The following PSMA3 variants were observed in gnomAD, a reference collection of about 807,000 sequenced individuals.
PSMA3 encodes proteasome subunit alpha type-3.
Under a neutral mutation model 40.0 loss-of-function variants are expected in PSMA3, and 8 were observed. The observed-to-expected ratio is 0.20, with a 90% CI of 0.12 to 0.36. The LOEUF is 0.36. PSMA3 is among the 10% of genes least tolerant of loss of function. PSMA3 has a pLI of 1.00. For synonymous variants in PSMA3, 110 were observed against 100.0 expected (o/e 1.10, Z -0.59); for missense variants, 219 against 310.6 (o/e 0.70, Z 2.22).
intron 10 of PSMA3, among the ~76,000 whole-genome samples, chr14:58,271,487 A>C (rs561197155): frequency 3.3e-5 from 5 of 151,670 alleles, no homozygotes; most frequent in African/African-American, 9.7e-5. Context: ...ATGCCACCAT[A>C]CCTGGCTACT....
In PSMA3 at chr14:58,257,709, A is replaced by G. The variant is rs779427106; in HGVS notation, c.229-36A>G. On this transcript the variant is annotated intron_variant, in intron 3 of 10. Coordinates refer to ENST00000216455, the MANE Select transcript of PSMA3 (RefSeq NM_002788.4). ...TTGCAGACTTTGATTTGTGATAGGA[A>G]TGTGTTCCTCTAGTAAATTGGTGCT... 1.6e-5 allele frequency: 24 copies of G among 1,522,344 alleles called. No homozygotes were observed. The Admixed American group carries it at 2.7e-4, about 17-fold the overall frequency. 94.3% of individuals were successfully genotyped at this position (1,522,344 alleles called of 1,614,324 possible).
At chr14:58,261,896 G>C (rs746706809) in intron 6 of PSMA3, among the ~76,000 whole-genome samples, 2 of 151,932 alleles carry the variant, frequency 1.3e-5, no homozygotes, top group East Asian at 3.9e-4. Context: ...GACTACAGGC[G>C]TGAGCATCGA....
At chr14:58,245,489 T>C (rs1405446812) in intron 1 of PSMA3, 1 of 152,722 alleles carries the variant, frequency 6.5e-6, no homozygotes, top group Non-Finnish European at 1.5e-5. Context: ...ATCTGATGAA[T>C]CCTTCAGTTT....
intron 3 of PSMA3, among the ~76,000 whole-genome samples, 199 bp from the exon 4 acceptor site, chr14:58,257,546 G>T (rs1044202118): frequency 1.3e-4 from 19 of 151,662 alleles, no homozygotes; most frequent in African/African-American, 4.6e-4. Context: ...ACAAAGCAAT[G>T]AAGTTATACT....
At chr14:58,256,184 G>C (rs1310389323) in intron 3 of PSMA3, among the ~76,000 whole-genome samples, 1 of 151,938 alleles carries the variant, frequency 6.6e-6, no homozygotes, top group East Asian at 1.9e-4. Context: ...CGCAAATCTT[G>C]AAAGAGGAAT....
At chr14:58,271,053 G>A (rs1890603915) in intron 10 of PSMA3, 55 bp downstream of exon 10, 2 of 1,362,612 alleles carry the variant, frequency 1.5e-6, no homozygotes, top group East Asian at 4.7e-5. Flanking sequence ...GAATCACTTA[G>A]CCCAGGAGTT....
intron 1 of PSMA3, among the ~76,000 whole-genome samples, chr14:58,245,862 G>A (rs2140076073): frequency 6.6e-6 from 1 of 152,226 alleles, no homozygotes; most frequent in East Asian, 1.9e-4. Flanking sequence ...TTGATAATAG[G>A]CAACTTATGT....
chr14:58,269,013 C>A (rs1322665346), intron 8 of PSMA3: 1 of 152,200 alleles, frequency 6.6e-6, no homozygotes, highest in African/African-American at 2.4e-5. Flanking sequence ...TGGCTCACTG[C>A]AACCTCCGCC....
intron 2 of PSMA3, among the ~76,000 whole-genome samples, chr14:58,250,880 T>C (rs1029025740): frequency 2.0e-5 from 3 of 152,292 alleles, no homozygotes; most frequent in Middle Eastern, 3.4e-3. Flanking sequence ...AATGCTGGTA[T>C]AATTATTGTA....
At chr14:58,268,974 G>A (rs896797988) in intron 8 of PSMA3, 5 of 151,048 alleles carry the variant, frequency 3.3e-5, no homozygotes, top group African/African-American at 9.8e-5. Flanking sequence ...TCACTCTGTC[G>A]TCCAGACTGG....
intron 5 of PSMA3, among the ~76,000 whole-genome samples, chr14:58,259,477 G>A (rs1453294084): frequency 6.6e-6 from 1 of 152,062 alleles, no homozygotes; most frequent in Non-Finnish European, 1.5e-5. Flanking sequence ...ACCACGCCCG[G>A]CTAATTTTTT....
At chr14:58,245,120 C>G in intron 1 of PSMA3, 179 bp downstream of exon 1, 8 of 706,044 alleles carry the variant, frequency 1.1e-5, no homozygotes, top group Non-Finnish European at 1.7e-5. Context: ...AGGCCTGCGT[C>G]TCAGGTGACC....
chr14:58,269,063 T>C (rs1023593450), intron 8 of PSMA3, among the ~76,000 whole-genome samples: 1 of 152,008 alleles, frequency 6.6e-6, no homozygotes, highest in Admixed American at 6.6e-5. Flanking sequence ...GCCTCTCAAG[T>C]AGCTGGGATT....
intron 6 of PSMA3, 121 bp downstream of exon 6, chr14:58,261,141 CTT>C (rs750255185): frequency 0.021 from 10,187 of 479,296 alleles, no homozygotes; most frequent in Middle Eastern, 0.029. Flanking sequence ...AGTAATTTTT[CTT>C]TTTTTTTTTT....
intron 5 of PSMA3, 128 bp from the exon 6 acceptor site, chr14:58,260,820 C>G (rs576241367): frequency 2.5e-4 from 139 of 554,800 alleles, no homozygotes; most frequent in South Asian, 1.4e-3. Context: ...TTTCAAAGTA[C>G]TTACTGAGTT....
rs10634649 is a variant in PSMA3, at chr14:58,250,220, C to CAAAA, written c.105-1886_105-1883dup. ...GGGCAACAGAGCGAGACTCCATCTC[C>CAAAA]AAAAAAAAAAAAAAAATAGGGACAG... On this transcript the variant is annotated intron_variant, in intron 2 of 10. Transcript: ENST00000216455. Among the ~76,000 whole-genome samples the CAAAA allele has an allele frequency of 1.5e-4, 14 of 93,046 alleles. 2 individuals carry two copies. The highest frequency in any genetic ancestry group is 2.6e-4 in the Admixed American group (2 of 7,720). The allele number at this position is 93,046 out of a possible 152,430, so 61.0% of individuals were successfully genotyped here. A position where few individuals can be genotyped will look rare whatever the true frequency, so the allele number is the denominator to read the frequency against.
intron 8 of PSMA3, chr14:58,269,467 C>T (rs896335627): frequency 1.3e-5 from 2 of 151,692 alleles, no homozygotes; most frequent in Admixed American, 6.6e-5. Context: ...GAGTCTCACT[C>T]TGTTGCCCAG....
At chr14:58,249,959 C>G (rs529594282) in intron 2 of PSMA3, among the ~76,000 whole-genome samples, 1 of 152,248 alleles carries the variant, frequency 6.6e-6, no homozygotes, top group African/African-American at 2.4e-5. Context: ...TGAGCCACGC[C>G]TGTAATCCTA....
chr14:58,247,748 A>C lies in PSMA3; in HGVS notation c.22-2A>C, dbSNP rs1289115678. On this transcript the variant is annotated splice_acceptor_variant, in intron 1 of 10. Transcript: ENST00000216455. LOFTEE classifies it high-confidence loss of function. ...GCTTACTGTTGCCCTTTTCTCCTTA[A>C]GTATGACCTGTCAGCCTCTACATTC... 6.3e-7 allele frequency: 1 copy of C among 1,590,614 alleles called. No homozygotes were observed. The highest frequency in any genetic ancestry group is 8.6e-7 in the Non-Finnish European group (1 of 1,161,010).
Sources: gnomAD v4.1 joint callset for allele counts (sites outside exome capture counted in the v4.1 genomes callset) on GRCh38, gnomAD v4.1.1 for gene constraint, MANE v1.5 for transcripts, NCBI Gene and HGNC (gene_info 2026-07-23, HGNC 2026-07-21) for gene names.